Variants in RBFOX2 observed in about 807,000 individuals in gnomAD.
RBFOX2 encodes the protein RNA binding fox-1 homolog 2, also known as RNA binding protein fox-1 homolog 2.
RBFOX2 carries 10 observed loss-of-function variants against 49.1 expected under a neutral mutation model. That is an observed-to-expected ratio of 0.20 (90% CI 0.13 to 0.35). The LOEUF (loss-of-function observed/expected upper bound fraction) is 0.35, where lower values mean the gene tolerates loss of function less well. Ranked by LOEUF, RBFOX2 falls within the 10% of genes least tolerant of loss-of-function variation. RBFOX2 has a pLI of 1.00. For missense variants in RBFOX2, 323 were observed against 486.9 expected (o/e 0.66, Z 3.17); for synonymous variants, 183 against 187.4 (o/e 0.98, Z 0.19).
intron 1 of RBFOX2, among the ~76,000 whole-genome samples, chr22:35,934,092 G>T (rs1320291345): frequency 6.6e-6 from 1 of 151,358 alleles, no homozygotes; most frequent in Non-Finnish European, 1.5e-5. Flanking sequence ...CGGGCAAGAA[G>T]GGAAAACCAT....
chr22:35,942,400 C>CA (rs2053785909), upstream of RBFOX2, among the ~76,000 whole-genome samples: 1 of 151,958 alleles, frequency 6.6e-6, no homozygotes, highest in African/African-American at 2.4e-5. Context: ...CCTGTAACTT[C>CA]ACATCTCTAT....
intron 4 of RBFOX2, 21 bp downstream of exon 5, chr22:35,778,004 T>C: frequency 6.3e-7 from 1 of 1,594,148 alleles, no homozygotes; most frequent in Admixed American, 1.8e-5. Context: ...CAAGCACACT[T>C]GACACTGAAA....
At chr22:35,837,214 A>C (rs1175686969) in intron 1 of RBFOX2, among the ~76,000 whole-genome samples, 2 of 152,200 alleles carry the variant, frequency 1.3e-5, no homozygotes, top group Non-Finnish European at 2.9e-5. Flanking sequence ...AAATACTGAC[A>C]AGGATCTAAT....
intron 1 of RBFOX2, among the ~76,000 whole-genome samples, chr22:36,013,167 G>C (rs2058890267): frequency 6.6e-6 from 1 of 152,034 alleles, no homozygotes; most frequent in East Asian, 1.9e-4. Flanking sequence ...TCACCTACTT[G>C]GGAGGCTGAA....
At chr22:36,001,741 G>A (rs377632414) in intron 1 of RBFOX2, among the ~76,000 whole-genome samples, 2 of 151,176 alleles carry the variant, frequency 1.3e-5, no homozygotes, top group Admixed American at 6.6e-5. Flanking sequence ...CAGCCTGGAC[G>A]ACAGGGCAAG....
At chr22:35,756,728 T>G (rs1368577790) in intron 9 of RBFOX2, among the ~76,000 whole-genome samples, 7 of 152,122 alleles carry the variant, frequency 4.6e-5, no homozygotes, top group Non-Finnish European at 1.0e-4. Context: ...CCCTGCACAT[T>G]AGACATGCGA....
intron 1 of RBFOX2, among the ~76,000 whole-genome samples, chr22:35,945,610 T>C (rs1204849840): frequency 6.6e-6 from 1 of 152,116 alleles, no homozygotes. Flanking sequence ...CCGGCTAATT[T>C]TGTTTTATCT....
rs1955412041 is a variant in RBFOX2, at chr22:35,825,268, T to C, written c.27+14924A>G. Among the ~76,000 whole-genome samples, 3 of 152,136 alleles carry C rather than the reference T, an allele frequency of 2.0e-5. No homozygotes were observed. In the South Asian group the frequency reaches 6.2e-4, roughly 32 times the overall value. On this transcript the variant is annotated intron_variant, in intron 1 of 11. Coordinates refer to ENST00000405409, the Ensembl canonical transcript of RBFOX2. ...ATAGTCAAATTAATCAATTCTGTGC[T>C]TACCCCAGAGGAACCAAAGGCTCCA...
At chr22:35,963,700 T>C (rs2056393198), upstream of RBFOX2, among the ~76,000 whole-genome samples, 1 of 152,204 alleles carries the variant, frequency 6.6e-6, no homozygotes, top group Admixed American at 6.5e-5. Flanking sequence ...GTCATCGCTA[T>C]TTCAAAAAAA....
intron 1 of RBFOX2, among the ~76,000 whole-genome samples, chr22:36,026,868 G>A (rs753599542): frequency 1.3e-5 from 2 of 152,220 alleles, no homozygotes; most frequent in Non-Finnish European, 2.9e-5. Flanking sequence ...CTAGGCTTAA[G>A]TACAGCTCTG....
chr22:35,853,281 G>A (rs150803539), intron 1 of RBFOX2, among the ~76,000 whole-genome samples: 1 of 144,624 alleles, frequency 6.9e-6, no homozygotes, highest in Admixed American at 6.8e-5. Context: ...GCAACAAAGT[G>A]AGCCTCTGTC....
chr22:35,804,626 G>A lies in RBFOX2; in HGVS notation c.252+5154C>T, dbSNP rs144466520. On this transcript the variant is annotated intron_variant, in intron 2 of 11. Coordinates refer to ENST00000405409, the Ensembl canonical transcript of RBFOX2. ...CATATTTAAAGGGCTGGGGGGTGGAGGAAGAAACTGTCAACCAAGAATCCT... is the reference window on the plus strand; with the variant it reads ...CATATTTAAAGGGCTGGGGGGTGGAAGAAGAAACTGTCAACCAAGAATCCT... Among the ~76,000 whole-genome samples, 1,029 of 152,006 alleles carry A rather than the reference G, an allele frequency of 6.8e-3. 3 individuals are homozygous for A. The highest frequency in any genetic ancestry group is 0.014 in the Middle Eastern group (4 of 294).
chr22:35,961,020 A>C (rs1053336743), intron 1 of RBFOX2, among the ~76,000 whole-genome samples: 2 of 152,136 alleles, frequency 1.3e-5, no homozygotes, highest in Non-Finnish European at 2.9e-5. Context: ...CTTCACTATC[A>C]GCACAAACAT....
chr22:35,978,499 A>G (rs1007035152), intron 1 of RBFOX2, among the ~76,000 whole-genome samples: 2 of 152,228 alleles, frequency 1.3e-5, no homozygotes, highest in African/African-American at 4.8e-5. Context: ...ACTATCCTCC[A>G]TTTAAAAGAA....
At chr22:35,938,186 G>T (rs990331626) in intron 1 of RBFOX2, among the ~76,000 whole-genome samples, 2 of 152,152 alleles carry the variant, frequency 1.3e-5, no homozygotes, top group South Asian at 2.1e-4. Context: ...AGCCTTACCT[G>T]TTCTTCTATC....
chr22:35,804,458 G>A (rs889051519), intron 2 of RBFOX2, among the ~76,000 whole-genome samples: 1 of 151,996 alleles, frequency 6.6e-6, no homozygotes, highest in Non-Finnish European at 1.5e-5. Flanking sequence ...ATAGAGAAAC[G>A]GCTCAAAGCC....
At chr22:35,762,833 G>T (rs558645828) in intron 6 of RBFOX2, among the ~76,000 whole-genome samples, 35 of 152,188 alleles carry the variant, frequency 2.3e-4, no homozygotes, top group African/African-American at 8.2e-4. Flanking sequence ...AAGAATTATT[G>T]AAATTACCAG....
At chr22:35,760,241 C>T (rs1211732310) in intron 8 of RBFOX2, among the ~76,000 whole-genome samples, 2 of 152,176 alleles carry the variant, frequency 1.3e-5, no homozygotes, top group African/African-American at 2.4e-5. Context: ...GATTCCATGC[C>T]TCATTCATCA....
intron 1 of RBFOX2, among the ~76,000 whole-genome samples, chr22:35,851,398 A>C (rs757804958): frequency 8.5e-5 from 13 of 152,264 alleles, no homozygotes; most frequent in Non-Finnish European, 1.5e-4. Flanking sequence ...AAATGAACAC[A>C]GTTCTGTTGT....
Sources: allele counts gnomAD v4.1 joint callset (sites outside exome capture counted in the v4.1 genomes callset), GRCh38; gene constraint gnomAD v4.1.1; transcripts MANE v1.5; gene names NCBI Gene and HGNC (gene_info 2026-07-23, HGNC 2026-07-21).